Variants in ANKRD36B observed in about 807,000 individuals in gnomAD.
ANKRD36B encodes ankyrin repeat domain-containing protein 36B.
ANKRD36B carries 37 observed loss-of-function variants against 135.7 expected under a neutral mutation model. The ratio of observed to expected loss-of-function variants is 0.27; its 90% CI spans 0.21 to 0.36. The LOEUF is 0.36. ANKRD36B is among the 10% of genes least tolerant of loss of function. The pLI is 1.00. For synonymous variants in ANKRD36B, 179 were observed against 348.1 expected, an observed-to-expected ratio of 0.51 and a Z score of 5.41; for missense variants, 549 against 1,037.1, an observed-to-expected ratio of 0.53 and a Z score of 6.46.
chr2:97,544,318 T>C (rs1401544381), intron 24 of ANKRD36B, among the ~76,000 whole-genome samples: 1 of 91,458 alleles, frequency 1.1e-5, no homozygotes, highest in African/African-American at 3.3e-5. Context: ...CAATTGAGAA[T>C]CAATGTCAAA....
intron 16 of ANKRD36B, among the ~76,000 whole-genome samples, chr2:97,551,965 C>T (rs143335253): frequency 2.0e-5 from 3 of 152,076 alleles, no homozygotes; most frequent in Admixed American, 6.6e-5. Context: ...TTCAGTTGAA[C>T]GTACACTTCA....
rs2082886829 is a variant in ANKRD36B at position 97,585,124 on chromosome 2, G to C, written c.277-7C>G. The C allele has an allele frequency of 1.2e-6, 2 of 1,613,730 alleles. No individual in the cohort carries two copies. The highest frequency in any genetic ancestry group is 8.5e-7 in the Non-Finnish European group (1 of 1,179,764). ...CCTGCCTCAGTTGTACAGCCTGTCAGTATTAGACCGAGAAACATGCAAATA... is the reference window on the plus strand; with the variant it reads ...CCTGCCTCAGTTGTACAGCCTGTCACTATTAGACCGAGAAACATGCAAATA... On this transcript the variant is annotated splice_polypyrimidine_tract_variant and splice_region_variant and intron_variant, in intron 2 of 43. Coordinates refer to ENST00000359901, the MANE Select transcript of ANKRD36B (RefSeq NM_001393939.1).
chr2:97,495,941 C>G (rs1459033396), intron 43 of ANKRD36B, among the ~76,000 whole-genome samples: 1 of 106,792 alleles, frequency 9.4e-6, no homozygotes, highest in Admixed American at 8.5e-5. Flanking sequence ...ACATTAGCCC[C>G]CATGATGCCA....
rs13001728 is a variant in ANKRD36B at position 97,547,721 on chromosome 2, C to G, written c.1488G>C (p.Glu496Asp). Reference protein sequence around the residue: ...DGEKSRTVSFEQPPGLKATRD... With the variant: ...DGEKSRTVSFDQPPGLKATRD... ...TCATTACCTTCAAGCCTGGTGGTTG[C>G]TCAAAAGACACTGAAAAGTAAAAGG... is the stretch of plus-strand genomic sequence containing the variant. Residue 496 changes from glutamate to aspartate, a missense_variant, in exon 21 of 44, where the codon GAG becomes GAC. Physicochemically the swap from Glu to Asp is conservative, Grantham distance 45. Coordinates refer to ENST00000359901, the MANE Select transcript of ANKRD36B (RefSeq NM_001393939.1). The G allele has an allele frequency of 0.59, 910,029 of 1,554,346 alleles. 288,980 individuals are homozygous for G. The highest frequency in any genetic ancestry group is 0.66 in the Non-Finnish European group (757,240 of 1,145,946).
rs2442287 is a variant in ANKRD36B, at chr2:97,578,967, A to G, written c.634T>C (p.Phe212Leu). Residue 212 changes from phenylalanine (F) to leucine (L), a missense_variant, in exon 5 of 44, where the codon TTT becomes CTT. Phe to Leu is a conservative substitution (Grantham distance 22, BLOSUM62 0). Transcript: ENST00000359901. ...ILLLQHNIDV[F>L]SRDVYGKLAE... The stretch of plus-strand genomic sequence containing the variant: ...AGCTTTCCATACACATCTCGAGAAA[A>G]CACATCAATATTGTGCTGCAGAAGA... 1 of 1,612,948 alleles carries G rather than the reference A, an allele frequency of 6.2e-7. No individual in the cohort carries two copies. Among genetic ancestry groups the G allele is most frequent in the Non-Finnish European group, 8.5e-7 (1 of 1,179,264 alleles).
rs2078331494 is a variant in ANKRD36B at position 97,528,226 on chromosome 2, A to T, written c.2265+4085T>A. Among the ~76,000 whole-genome samples, 2 of 96,500 alleles carry T rather than the reference A, an allele frequency of 2.1e-5. 1 individual carries two copies. The highest frequency in any genetic ancestry group is 1.8e-4 in the Admixed American group (2 of 10,854). The allele number at this position is 96,500 out of a possible 152,430, so 63.3% of individuals were successfully genotyped here. A position where few individuals can be genotyped will look rare whatever the true frequency, so the allele number is the denominator to read the frequency against. Reference sequence around the variant, plus strand: ...GTCTGTCAGACCACAGTGCAATCAAACTAGAACTCAGGATTAAGAAACTCA... The same window carrying T: ...GTCTGTCAGACCACAGTGCAATCAATCTAGAACTCAGGATTAAGAAACTCA... On this transcript the variant is annotated intron_variant, in intron 35 of 43. Transcript: ENST00000359901.
rs1411572132 is a variant in ANKRD36B at position 97,538,704 on chromosome 2, T to C, written c.1988-341A>G. Among the ~76,000 whole-genome samples the C allele has an allele frequency of 2.1e-5, 2 of 97,048 alleles. 1 individual carries two copies. The highest frequency in any genetic ancestry group is 5.5e-5 in the Non-Finnish European group (2 of 36,408). 63.7% of individuals were successfully genotyped at this position (97,048 alleles called of 152,430 possible). On this transcript the variant is annotated intron_variant, in intron 30 of 43. Transcript: ENST00000359901. ...AGCAACTCATACACCCAGGAACCAA[T>C]GTCAAAGAAGGTACTAAATGCTACT...
chr2:97,531,106 C>T lies in ANKRD36B; in HGVS notation c.2265+1205G>A, dbSNP rs1390768629. 9.7e-5 allele frequency among the ~76,000 whole-genome samples: 9 copies of T among 92,654 alleles called. 2 individuals carry two copies. The East Asian group carries it at 1.9e-3, about 20-fold the overall frequency. The allele number at this position is 92,654 out of a possible 152,430, so 60.8% of individuals were successfully genotyped here. Reference sequence around the variant, plus strand: ...ATGCTGCTATAAAGACACATGCACACGTATGTTTATTGTGGCACTATTCAC... The same window carrying T: ...ATGCTGCTATAAAGACACATGCACATGTATGTTTATTGTGGCACTATTCAC... On this transcript the variant is annotated intron_variant, in intron 35 of 43. Transcript: ENST00000359901.
chr2:97,544,485 T>C lies in ANKRD36B; in HGVS notation c.1682-500A>G, dbSNP rs2079309554. Among the ~76,000 whole-genome samples the C allele has an allele frequency of 2.1e-5, 2 of 95,204 alleles. 1 individual carries two copies. The highest frequency in any genetic ancestry group is 5.6e-5 in the Non-Finnish European group (2 of 35,616). 62.5% of individuals were successfully genotyped at this position (95,204 alleles called of 152,430 possible). A position where few individuals can be genotyped will look rare whatever the true frequency, so the allele number is the denominator to read the frequency against. On this transcript the variant is annotated intron_variant, in intron 24 of 43. Coordinates refer to ENST00000359901, the MANE Select transcript of ANKRD36B (RefSeq NM_001393939.1). ...CAGTTGAACGTACACTTCACGTCTC[T>C]TCAGTGGAAGTGTCCTAAATTGATC...
At chr2:97,539,613 G>C (rs1428152076) in intron 30 of ANKRD36B, 1 of 100,116 alleles carries the variant, frequency 1.0e-5, no homozygotes, top group African/African-American at 3.1e-5. Context: ...CAGCGGTCTC[G>C]TTAGTTCTCA....
At chr2:97,561,228 T>C (rs539374631) in intron 6 of ANKRD36B, among the ~76,000 whole-genome samples, 1 of 152,038 alleles carries the variant, frequency 6.6e-6, no homozygotes, top group East Asian at 1.9e-4. Context: ...AGGTGATACA[T>C]GCACCCACAT....
At chr2:97,586,341 G>C (rs978317472) in intron 1 of ANKRD36B, among the ~76,000 whole-genome samples, 21 of 150,318 alleles carry the variant, frequency 1.4e-4, no homozygotes, top group Middle Eastern at 3.4e-3. Flanking sequence ...ACTGTCATAA[G>C]TTTTTGAAAT....
intron 6 of ANKRD36B, among the ~76,000 whole-genome samples, chr2:97,565,479 T>C (rs924863978): frequency 6.6e-6 from 1 of 152,154 alleles, no homozygotes; most frequent in Non-Finnish European, 1.5e-5. Flanking sequence ...ATCTAGAATC[T>C]ACAAGGAACT....
rs1161359197 is a variant in ANKRD36B at position 97,571,783 on chromosome 2, CT to C, written c.763+4595del. Among the ~76,000 whole-genome samples the C allele has an allele frequency of 5.1e-4, 77 of 152,272 alleles. 2 individuals carry two copies. The highest frequency in any genetic ancestry group is 4.2e-3 in the Admixed American group (64 of 15,298). On this transcript the variant is annotated intron_variant, in intron 6 of 43. Coordinates refer to ENST00000359901, the MANE Select transcript of ANKRD36B (RefSeq NM_001393939.1). The stretch of plus-strand genomic sequence containing the variant: ...AGAGCTCATTTAATTTGTTTCTAAT[CT>C]TTTTTCTTAAGTTCTTATAAAACTA...
At chr2:97,577,824 G>A (rs1273575459) in intron 5 of ANKRD36B, among the ~76,000 whole-genome samples, 1 of 151,518 alleles carries the variant, frequency 6.6e-6, no homozygotes, top group Non-Finnish European at 1.5e-5. Context: ...TCACTTGAGG[G>A]GCCAACCACA....
At chr2:97,565,844 A>C in intron 6 of ANKRD36B, among the ~76,000 whole-genome samples, 1 of 149,658 alleles carries the variant, frequency 6.7e-6, no homozygotes, top group Admixed American at 6.7e-5. Flanking sequence ...CAGTAATCTC[A>C]TTACTGGGCA....
At chr2:97,557,878 G>C (rs926009754) in intron 10 of ANKRD36B, among the ~76,000 whole-genome samples, 3 of 151,502 alleles carry the variant, frequency 2.0e-5, no homozygotes, top group African/African-American at 7.3e-5. Context: ...GTTGCTACAA[G>C]CATTAGATAT....
chr2:97,567,455 G>GA (rs1311915403), intron 6 of ANKRD36B, among the ~76,000 whole-genome samples: 2 of 152,004 alleles, frequency 1.3e-5, no homozygotes, highest in East Asian at 3.9e-4. Flanking sequence ...GCCCCACCCT[G>GA]AAGCCATCTG....
chr2:97,561,344 C>T (rs534905027), intron 6 of ANKRD36B, among the ~76,000 whole-genome samples: 20 of 151,982 alleles, frequency 1.3e-4, no homozygotes, highest in Non-Finnish European at 2.5e-4. Context: ...TATAATGACA[C>T]TTTAGTTGAA....
Sources: gnomAD v4.1 joint callset for allele counts (sites outside exome capture counted in the v4.1 genomes callset) on GRCh38, gnomAD v4.1.1 for gene constraint, MANE v1.5 for transcripts, NCBI Gene and HGNC (gene_info 2026-07-23, HGNC 2026-07-21) for gene names.